The following PLEKHG5 variants were observed in gnomAD, a reference collection of about 807,000 sequenced individuals.
PLEKHG5 encodes the protein pleckstrin homology and RhoGEF domain containing G5.
PLEKHG5 carries 52 observed loss-of-function variants against 103.8 expected under a neutral mutation model. The observed-to-expected ratio is 0.50, with a 90% CI of 0.40 to 0.63. PLEKHG5 has a LOEUF of 0.63. Among genes scored for constraint, PLEKHG5 ranks in the 30% least tolerant of loss-of-function variants. The probability of loss-of-function intolerance (pLI) is 0.00; values close to 1 mark genes in which losing one functional copy is unlikely to be tolerated. For synonymous variants in PLEKHG5, 592 were observed against 575.5 expected (o/e 1.03, Z -0.41); for missense variants, 1,205 against 1,347.6 (o/e 0.89, Z 1.66).
At chr1:6,497,085 G>T, upstream of PLEKHG5, 1 of 1,484,396 alleles carries the variant, frequency 6.7e-7, no homozygotes, top group Non-Finnish European at 8.9e-7. This position sits in a 1 kb window ranked among gnomAD's most constrained non-coding sequence, Gnocchi z 6.1. Context: ...GGGGGCTGGA[G>T]TGCACCGCGG....
At chr1:6,496,636 C>T, upstream of PLEKHG5, 1 of 1,213,444 alleles carries the variant, frequency 8.2e-7, no homozygotes, top group South Asian at 1.6e-5. Context: ...CCACTGGCCT[C>T]CCAACCGGAG....
intron 7 of PLEKHG5, 56 bp from the exon 8 acceptor site, chr1:6,473,510 C>A (rs1644662451): frequency 7.1e-6 from 10 of 1,408,468 alleles, no homozygotes; most frequent in Non-Finnish European, 6.6e-6. Context: ...CATGGCCCCA[C>A]CCCAGGGCGG....
At chr1:6,489,450 C>T (rs909059013) in intron 1 of PLEKHG5, among the ~76,000 whole-genome samples, 1 of 152,228 alleles carries the variant, frequency 6.6e-6, no homozygotes, top group Non-Finnish European at 1.5e-5. Context: ...CGCACGGGCC[C>T]TGGAAGCCAG....
intron 1 of PLEKHG5, among the ~76,000 whole-genome samples, chr1:6,506,759 C>T (rs1638336424): frequency 6.6e-6 from 1 of 152,246 alleles, no homozygotes; most frequent in Non-Finnish European, 1.5e-5. Context: ...AGAGGCCCCC[C>T]AGCAGGGCAG....
chr1:6,469,776 A>C, intron 16 of PLEKHG5, 100 bp from the exon 17 acceptor site: 1 of 1,075,652 alleles, frequency 9.3e-7, no homozygotes, highest in Non-Finnish European at 1.4e-6. Context: ...TTTGTCAAAC[A>C]CTCCTCCCAC....
At chr1:6,516,401 C>T (rs1293899695) in intron 1 of PLEKHG5, among the ~76,000 whole-genome samples, 1 of 152,136 alleles carries the variant, frequency 6.6e-6, no homozygotes, top group Non-Finnish European at 1.5e-5. Context: ...CTCATGCCTG[C>T]AATCCCAACA....
At chr1:6,473,976 T>TGGCCCC in intron 7 of PLEKHG5, 37 bp downstream of exon 7, 2 of 1,265,558 alleles carry the variant, frequency 1.6e-6, no homozygotes, top group East Asian at 2.7e-5. Flanking sequence ...CTGGGCCCCT[T>TGGCCCC]CCCACCCCCT....
At chr1:6,517,073 C>A (rs1312727873) in intron 1 of PLEKHG5, among the ~76,000 whole-genome samples, 3 of 98,758 alleles carry the variant, frequency 3.0e-5, no homozygotes, top group Non-Finnish European at 5.7e-5. Flanking sequence ...CATGGTGAAA[C>A]CCCATCTCCA....
chr1:6,467,688 C>A, intron 20 of PLEKHG5, 116 bp from the exon 21 acceptor site: 1 of 1,444,148 alleles, frequency 6.9e-7, no homozygotes, highest in Non-Finnish European at 9.7e-7. Context: ...CCCACCACAG[C>A]CCCCTGCGCC....
chr1:6,471,072 C>T lies in PLEKHG5; in HGVS notation c.1310G>A (p.Arg437His), dbSNP rs1395436599. The change falls in exon 13 of 21, where the codon CGC (arginine) becomes CAC (histidine). Residue 437 changes from arginine to histidine, a missense_variant. Transcript: ENST00000377728. ...GCAGCCCTCCTCCTCCATGCAGTAG[C>T]GGATGTAGGGCTTGAAGAGCGAGCC... Reference protein sequence around the residue: ...MFGSLFKPYIRYCMEEEGCME... With the variant: ...MFGSLFKPYIHYCMEEEGCME... 3 of 1,594,970 alleles carry T rather than the reference C, an allele frequency of 1.9e-6. No homozygotes were observed. The highest frequency in any genetic ancestry group is 4.6e-5 in the East Asian group (2 of 43,426).
At chr1:6,502,579 G>C (rs560431567) in intron 1 of PLEKHG5, among the ~76,000 whole-genome samples, 1 of 152,354 alleles carries the variant, frequency 6.6e-6, no homozygotes, top group South Asian at 2.1e-4. Flanking sequence ...AGGCTACTGC[G>C]GGCGCCTGCC....
At position 6,471,563 on chromosome 1, in the gene PLEKHG5, C is replaced by T; in HGVS notation, c.1206G>A (p.Met402Ile). 1 of 1,603,770 alleles carries T rather than the reference C, an allele frequency of 6.2e-7. No individual in the cohort carries two copies. The highest frequency in any genetic ancestry group is 8.5e-7 in the Non-Finnish European group (1 of 1,176,262). ...GCCGCGCCTTCTCCAGCACCGGCGC[C>T]ATCACGCTAGCCCACAGCCTGCGGT... ...QLHRRLWASV[M>I]APVLEKARRT... The change falls in exon 12 of 21, where the codon ATG (methionine) becomes ATA (isoleucine). Residue 402 changes from methionine (M) to isoleucine (I), a missense_variant. Met to Ile is a conservative substitution (Grantham distance 10). Transcript: ENST00000377728.
At chr1:6,485,799 C>T in intron 1 of PLEKHG5, 6 of 848,636 alleles carry the variant, frequency 7.1e-6, no homozygotes, top group Non-Finnish European at 8.6e-6. Context: ...CCGGGACCCC[C>T]ACCTTCCCAC....
chr1:6,492,131 G>A (rs116691267), upstream of PLEKHG5, among the ~76,000 whole-genome samples: 1,180 of 152,318 alleles, frequency 7.7e-3, 13 homozygotes, highest in African/African-American at 0.027. Flanking sequence ...AGGCCCCACC[G>A]CAGCGGGGGA....
intron 1 of PLEKHG5, chr1:6,519,427 GAT>G (rs1361940035): frequency 1.3e-6 from 2 of 1,597,768 alleles, no homozygotes; most frequent in Non-Finnish European, 1.7e-6. Flanking sequence ...AGACAAAAGA[GAT>G]AGAAAACATA....
At chr1:6,476,127 T>C (rs1193854933) in intron 2 of PLEKHG5, 91 bp from the exon 3 acceptor site, 1 of 1,063,290 alleles carries the variant, frequency 9.4e-7, no homozygotes, top group East Asian at 2.5e-5. Flanking sequence ...CCTGTTACCC[T>C]GGAACCCCCA....
intron 1 of PLEKHG5, among the ~76,000 whole-genome samples, chr1:6,508,516 C>T (rs1380082562): frequency 6.6e-6 from 1 of 152,198 alleles, no homozygotes; most frequent in Non-Finnish European, 1.5e-5. Context: ...TGAAGCGGAC[C>T]CCCACAGTGC....
chr1:6,470,918 G>C (rs766391394), intron 13 of PLEKHG5, 34 bp from the exon 14 acceptor site: 1 of 1,550,094 alleles, frequency 6.5e-7, no homozygotes, highest in South Asian at 1.2e-5. Context: ...GCTCAGGGCA[G>C]GCCCCGCCCC....
chr1:6,475,605 C>G, intron 3 of PLEKHG5, 83 bp from the exon 4 acceptor site: 1 of 1,199,932 alleles, frequency 8.3e-7, no homozygotes, highest in East Asian at 2.3e-5. Flanking sequence ...GTGGCCTCCC[C>G]GCCCTTGGCT....
Sources: allele counts gnomAD v4.1 joint callset (sites outside exome capture counted in the v4.1 genomes callset), GRCh38; gene constraint gnomAD v4.1.1; non-coding constraint Gnocchi (gnomAD v3.1); transcripts MANE v1.5; gene names NCBI Gene and HGNC (gene_info 2026-07-23, HGNC 2026-07-21).